ICMT: variants seen among roughly 807,000 people sequenced by gnomAD.
ICMT encodes protein-S-isoprenylcysteine O-methyltransferase.
ICMT carries 10 observed loss-of-function variants against 32.2 expected under a neutral mutation model. The observed-to-expected ratio is 0.31, with a 90% CI of 0.19 to 0.53. ICMT has a LOEUF of 0.53. ICMT is among the 20% of genes least tolerant of loss of function. ICMT has a pLI of 0.96. For synonymous variants in ICMT, 183 were observed against 158.2 expected (o/e 1.16, Z -1.18); for missense variants, 265 against 356.9 (o/e 0.74, Z 2.07).
At chr1:6,231,179 A>G (rs563045488) in intron 4 of ICMT, among the ~76,000 whole-genome samples, 8 of 152,048 alleles carry the variant, frequency 5.3e-5, no homozygotes, top group Admixed American at 2.6e-4. Flanking sequence ...TCAAAAAAAA[A>G]AAAGAAAGAA....
intron 2 of ICMT, chr1:6,234,640 G>A: frequency 7.3e-6 from 4 of 545,738 alleles, no homozygotes; most frequent in Non-Finnish European, 1.3e-5. Flanking sequence ...CCACAGCTGC[G>A]GATGACAGCA....
Position 6,221,281 on chromosome 1 carries a change from A to C in ICMT, c.*3799T>G, listed in dbSNP as rs1266870366. ...AAATCCAATTTAGAATATTTAAATA[A>C]ACATTTATGTAAAAAGAAGAGTAGA... On this transcript the variant is annotated 3_prime_UTR_variant, in exon 5 of 5. Coordinates refer to ENST00000343813, the MANE Select transcript of ICMT (RefSeq NM_012405.4). 6.6e-6 allele frequency: 1 copy of C among 152,664 alleles called. No individual in the cohort carries two copies. The highest frequency in any genetic ancestry group is 1.9e-4 in the East Asian group (1 of 5,206). The allele number at this position is 152,664 out of a possible 1,614,324, so 9.5% of individuals were successfully genotyped here. A position where few individuals can be genotyped will look rare whatever the true frequency, so the allele number is the denominator to read the frequency against.
In ICMT at chr1:6,223,442, A is replaced by G. The variant is rs1049418171; in HGVS notation, c.*1638T>C. The G allele has an allele frequency of 6.6e-6, 1 of 152,292 alleles. No homozygotes were observed. Among genetic ancestry groups the G allele is most frequent in the Non-Finnish European group, 1.5e-5 (1 of 68,032 alleles). The allele number at this position is 152,292 out of a possible 1,614,324, so 9.4% of individuals were successfully genotyped here. A position where few individuals can be genotyped will look rare whatever the true frequency, so the allele number is the denominator to read the frequency against. On this transcript the variant is annotated 3_prime_UTR_variant, in exon 5 of 5. Transcript: ENST00000343813. ...TTTTCAAACCAATCAATGAACCCGT[A>G]AGCCTCTTTGGTATATATAACAATG...
intron 2 of ICMT, among the ~76,000 whole-genome samples, chr1:6,234,083 G>A (rs914579395): frequency 3.9e-5 from 6 of 152,082 alleles, no homozygotes; most frequent in African/African-American, 1.4e-4. Flanking sequence ...TCCTGGCTTG[G>A]CCAGGCTGGT....
At chr1:6,227,683 G>A (rs1668665548) in intron 4 of ICMT, among the ~76,000 whole-genome samples, 1 of 151,998 alleles carries the variant, frequency 6.6e-6, no homozygotes, top group Admixed American at 6.6e-5. Flanking sequence ...GTGAAACCCC[G>A]TCTCTACTAA....
chr1:6,221,461 C>G lies in ICMT; in HGVS notation c.*3619G>C, dbSNP rs1395882934. 1.3e-5 allele frequency: 2 copies of G among 152,578 alleles called. No individual in the cohort carries two copies. The highest frequency in any genetic ancestry group is 2.4e-5 in the African/African-American group (1 of 41,414). 9.5% of individuals were successfully genotyped at this position (152,578 alleles called of 1,614,324 possible). A position where few individuals can be genotyped will look rare whatever the true frequency, so the allele number is the denominator to read the frequency against. ...AGCATGACAGAGAGGCCGAGGCCTTCTAACCTTGCCAAACCACTACAAAAG... is the reference window on the plus strand; with the variant it reads ...AGCATGACAGAGAGGCCGAGGCCTTGTAACCTTGCCAAACCACTACAAAAG... On this transcript the variant is annotated 3_prime_UTR_variant, in exon 5 of 5. Transcript: ENST00000343813.
In ICMT at chr1:6,235,943, G is replaced by C; in HGVS notation, c.-32C>G. 1.9e-6 allele frequency: 2 copies of C among 1,070,878 alleles called. No individual in the cohort carries two copies. The highest frequency in any genetic ancestry group is 4.4e-5 in the South Asian group (1 of 22,576). The allele number at this position is 1,070,878 out of a possible 1,614,324, so 66.3% of individuals were successfully genotyped here. On this transcript the variant is annotated 5_prime_UTR_variant, in exon 1 of 5. Coordinates refer to ENST00000343813, the MANE Select transcript of ICMT (RefSeq NM_012405.4). ...GGGCGGCGGACTAGCGGGCGGCGGC[G>C]CCGGCTGTAGCCCGGAGAAACGCGC...
At chr1:6,225,390 G>A in intron 4 of ICMT, 128 bp from the exon 5 acceptor site, 1 of 863,784 alleles carries the variant, frequency 1.2e-6, no homozygotes, top group Non-Finnish European at 1.8e-6. Flanking sequence ...CAGGGTCTCT[G>A]GGAGCAGTAC....
At position 6,225,235 on chromosome 1, in the gene ICMT, C is replaced by T. The variant is rs201101726; in HGVS notation, c.700G>A (p.Val234Ile). ...QVMLCNPICG[V>I]SYALTVWRFF... ...CGCCACACTGTCAGGGCATAGCTGA[C>T]GCCGCAGATGGGGTTACACAGCATC... The change falls in exon 5 of 5, where the codon GTC becomes ATC. Residue 234 changes from valine to isoleucine, a missense_variant. By Grantham distance (29) the Val-to-Ile change is conservative (BLOSUM62 3). This residue lies in a region of ICMT where 166 missense variants were observed against 264.3 expected (regional missense o/e 0.63). Transcript: ENST00000343813. 3 of 1,613,708 alleles carry T rather than the reference C, an allele frequency of 1.9e-6. No individual in the cohort carries two copies. Among genetic ancestry groups the T allele is most frequent in the South Asian group, 1.1e-5 (1 of 91,044 alleles).
At position 6,235,159 on chromosome 1, in the gene ICMT, C is replaced by T. The variant is rs1467691351; in HGVS notation, c.196-185G>A. On this transcript the variant is annotated intron_variant, in intron 1 of 4. Transcript: ENST00000343813. Reference sequence around the variant, plus strand: ...CACCGCTCTCTGGCTGTGTGGCCTCCCAAATTATTTAACCTCTCTGAGCTT... The same window carrying T: ...CACCGCTCTCTGGCTGTGTGGCCTCTCAAATTATTTAACCTCTCTGAGCTT... Among the ~76,000 whole-genome samples, 3 of 152,296 alleles carry T rather than the reference C, an allele frequency of 2.0e-5. No individual in the cohort carries two copies. The East Asian group carries it at 5.8e-4, about 29-fold the overall frequency.
intron 4 of ICMT, among the ~76,000 whole-genome samples, chr1:6,228,131 C>T (rs1668673449): frequency 6.6e-6 from 1 of 152,192 alleles, no homozygotes; most frequent in African/African-American, 2.4e-5. Flanking sequence ...GAGATCTCAT[C>T]TTTAATACAC....
chr1:6,226,762 G>A (rs940848505), intron 4 of ICMT, among the ~76,000 whole-genome samples: 1 of 152,132 alleles, frequency 6.6e-6, no homozygotes, highest in African/African-American at 2.4e-5. Context: ...ATTTTTTAAA[G>A]ACAGGGTCTC....
At chr1:6,231,460 A>C (rs972284134) in intron 4 of ICMT, among the ~76,000 whole-genome samples, 1 of 152,004 alleles carries the variant, frequency 6.6e-6, no homozygotes, top group African/African-American at 2.4e-5. Context: ...TAATGCTAGC[A>C]CTTTGCGAGG....
intron 3 of ICMT, 28 bp downstream of exon 3, chr1:6,233,446 T>A (rs1367160211): frequency 1.9e-6 from 3 of 1,600,084 alleles, no homozygotes; most frequent in Non-Finnish European, 2.6e-6. Flanking sequence ...CCTTTTCCCC[T>A]CCAGAGGGGG....
In ICMT at chr1:6,229,993, G is replaced by A. The variant is rs189617984; in HGVS notation, c.672+1909C>T. On this transcript the variant is annotated intron_variant, in intron 4 of 4. Coordinates refer to ENST00000343813, the MANE Select transcript of ICMT (RefSeq NM_012405.4). ...AGCAAATATTGTGCCTCAGTCTCTC[G>A]ACTAGCTGGAATTATAAGTAAGAAC... Among the ~76,000 whole-genome samples the A allele has an allele frequency of 1.3e-3, 190 of 151,634 alleles. 2 individuals are homozygous for A. Among genetic ancestry groups the A allele is most frequent in the Admixed American group, 9.9e-3 (150 of 15,202 alleles).
intron 4 of ICMT, 31 bp downstream of exon 4, chr1:6,231,871 A>AAAGAAAAGC: frequency 7.3e-7 from 1 of 1,364,958 alleles, no homozygotes; most frequent in Non-Finnish European, 1.0e-6. Context: ...AAAAAAAAAA[A>AAAGAAAAGC]AGAAAAGCAG....
Position 6,235,412 on chromosome 1 carries a change from T to C in ICMT, c.195+305A>G, listed in dbSNP as rs565574355. On this transcript the variant is annotated intron_variant, in intron 1 of 4. Coordinates refer to ENST00000343813, the MANE Select transcript of ICMT (RefSeq NM_012405.4). ...CCCCACCCACGTCACTGCGGGGCCT[T>C]TGACCTGAGACAGGGCAGCAGGTAG... is the stretch of plus-strand genomic sequence containing the variant. Among the ~76,000 whole-genome samples the C allele has an allele frequency of 3.3e-5, 5 of 152,204 alleles. No individual in the cohort carries two copies. In the South Asian group the frequency reaches 6.2e-4, roughly 19 times the overall value.
chr1:6,234,305 T>G, intron 2 of ICMT: 1 of 352,998 alleles, frequency 2.8e-6, no homozygotes, highest in Non-Finnish European at 5.5e-6. Context: ...CATAAAGGAG[T>G]GATGTATGTC....
rs1396173860 is a variant in ICMT at position 6,225,274 on chromosome 1, A to G, written c.673-12T>C. 2 of 1,610,660 alleles carry G rather than the reference A, an allele frequency of 1.2e-6. No individual in the cohort carries two copies. Among genetic ancestry groups the G allele is most frequent in the Non-Finnish European group, 1.7e-6 (2 of 1,178,620 alleles). ...TTACACAGCATCACCTAACAGAGGG[A>G]GACACCAGGCTCATCAGGGTGACCG... is the stretch of plus-strand genomic sequence containing the variant. On this transcript the variant is annotated splice_polypyrimidine_tract_variant and intron_variant, in intron 4 of 4. Transcript: ENST00000343813.
Sources: gnomAD v4.1 joint callset for allele counts (sites outside exome capture counted in the v4.1 genomes callset) on GRCh38, gnomAD v4.1.1 for gene constraint, gnomAD v4.1.1 regional missense constraint, MANE v1.5 for transcripts, NCBI Gene and HGNC (gene_info 2026-07-23, HGNC 2026-07-21) for gene names.